Variants in ADGRV1 observed in about 807,000 individuals in gnomAD.
The protein encoded by ADGRV1 is adhesion G protein-coupled receptor V1, also known as G-protein coupled receptor 98.
In ADGRV1, 359 loss-of-function variants were observed where a neutral mutation model predicts 596.2. The observed-to-expected ratio is 0.60, with a 90% confidence interval of 0.55 to 0.66. The LOEUF is 0.66. Among genes scored for constraint, ADGRV1 ranks in the 30% least tolerant of loss-of-function variants. The probability of loss-of-function intolerance (pLI) is 0.00; values close to 1 mark genes in which losing one functional copy is unlikely to be tolerated. For missense variants in ADGRV1, 7,274 were observed against 7,575.6 expected, an observed-to-expected ratio of 0.96 and a Z score of 1.48; for synonymous variants, 2,681 against 2,679.2, an observed-to-expected ratio of 1.00 and a Z score of -0.02.
chr5:91,091,202 T>A (rs1790355633), intron 86 of ADGRV1, among the ~76,000 whole-genome samples: 1 of 152,148 alleles, frequency 6.6e-6, no homozygotes, highest in Non-Finnish European at 1.5e-5. Context: ...CCCATTGAAG[T>A]GTCTCTATGG....
intron 39 of ADGRV1, among the ~76,000 whole-genome samples, chr5:90,709,319 A>G (rs961518332): frequency 2.0e-5 from 3 of 152,060 alleles, no homozygotes; most frequent in Non-Finnish European, 4.4e-5. Context: ...TGCTTCTTTC[A>G]TGACCTTTTA....
At chr5:90,975,590 A>G (rs1779491921) in intron 84 of ADGRV1, among the ~76,000 whole-genome samples, 1 of 152,196 alleles carries the variant, frequency 6.6e-6, no homozygotes, top group Non-Finnish European at 1.5e-5. Context: ...ATTCTCAGCA[A>G]ACTGTCACAA....
At chr5:90,885,527 A>G (rs1430792821) in intron 83 of ADGRV1, among the ~76,000 whole-genome samples, 1 of 152,188 alleles carries the variant, frequency 6.6e-6, no homozygotes, top group Non-Finnish European at 1.5e-5. Flanking sequence ...TCTGTGGGAA[A>G]TAACAAACCC....
intron 85 of ADGRV1, among the ~76,000 whole-genome samples, chr5:91,024,657 T>TA (rs1024797123): frequency 6.6e-6 from 1 of 152,166 alleles, no homozygotes; most frequent in South Asian, 2.1e-4. Flanking sequence ...TTTTTGTTAT[T>TA]AAAAAAAAGT....
chr5:90,801,532 G>GTT (rs569063879), intron 70 of ADGRV1, among the ~76,000 whole-genome samples: 1 of 143,176 alleles, frequency 7.0e-6, no homozygotes, highest in Non-Finnish European at 1.5e-5. Context: ...TGATTTATTT[G>GTT]TTTTTTTTTT....
intron 59 of ADGRV1, among the ~76,000 whole-genome samples, chr5:90,769,530 T>A (rs1383763956): frequency 6.6e-6 from 1 of 152,202 alleles, no homozygotes; most frequent in African/African-American, 2.4e-5. Context: ...ATGCATATCA[T>A]TTTTATCTCT....
At chr5:90,804,823 A>G (rs551439370) in intron 71 of ADGRV1, 1 of 152,392 alleles carries the variant, frequency 6.6e-6, no homozygotes, top group African/African-American at 2.4e-5. Flanking sequence ...GTCTTCAAAA[A>G]AAGATATAAA....
chr5:90,978,537 A>G (rs1581695296), intron 84 of ADGRV1, among the ~76,000 whole-genome samples: 1 of 152,068 alleles, frequency 6.6e-6, no homozygotes, highest in East Asian at 1.9e-4. Context: ...ATTGTGCTCA[A>G]CAAAAATTTA....
chr5:90,642,806 T>C (rs771910834), intron 12 of ADGRV1, 44 bp downstream of exon 12: 23 of 1,604,122 alleles, frequency 1.4e-5, no homozygotes, highest in South Asian at 1.2e-4. Context: ...CTCACAACTT[T>C]AGAAGAATGA....
chr5:90,788,667 A>G (rs1759738377), intron 68 of ADGRV1, among the ~76,000 whole-genome samples: 1 of 151,968 alleles, frequency 6.6e-6, no homozygotes, highest in Non-Finnish European at 1.5e-5. Flanking sequence ...TTAACTAGTT[A>G]TATTCCAGAT....
intron 85 of ADGRV1, among the ~76,000 whole-genome samples, chr5:91,059,546 G>A (rs539331600): frequency 2.0e-5 from 3 of 152,242 alleles, no homozygotes; most frequent in South Asian, 2.1e-4. Flanking sequence ...CTCATTAGAC[G>A]TGTCTAGTTT....
rs576554467 is a variant in ADGRV1, at chr5:91,150,965, G to T, written c.18624+744G>T. On this transcript the variant is annotated intron_variant, in intron 88 of 89. Coordinates refer to ENST00000405460, the MANE Select transcript of ADGRV1 (RefSeq NM_032119.4). ...TGGCCAGGAGGAGATAGTAACAAAGGCCTCTAAAAATTTCTGCAGTGTCCA... is the reference window on the plus strand; with the variant it reads ...TGGCCAGGAGGAGATAGTAACAAAGTCCTCTAAAAATTTCTGCAGTGTCCA... Among the ~76,000 whole-genome samples the T allele has an allele frequency of 3.3e-5, 5 of 152,264 alleles. No homozygotes were observed. In the South Asian group the frequency reaches 8.3e-4, roughly 25 times the overall value.
intron 87 of ADGRV1, among the ~76,000 whole-genome samples, chr5:91,111,205 A>G (rs4512153): frequency 0.51 from 76,873 of 151,904 alleles, 22,372 homozygotes; most frequent in Non-Finnish European, 0.64. Flanking sequence ...ATTTAAAATA[A>G]CAAACAGTTC....
intron 8 of ADGRV1, 66 bp downstream of exon 8, chr5:90,628,898 G>A (rs952217122): frequency 1.7e-5 from 24 of 1,434,454 alleles, no homozygotes; most frequent in Middle Eastern, 1.9e-4. Context: ...AAAGAATTTG[G>A]TCATACACAT....
rs1315826249 is a variant in ADGRV1 at position 90,788,155 on chromosome 5, T to C, written c.13738T>C (p.Phe4580Leu). 2 of 1,613,840 alleles carry C rather than the reference T, an allele frequency of 1.2e-6. No homozygotes were observed. Among genetic ancestry groups the C allele is most frequent in the South Asian group, 2.2e-5 (2 of 91,076 alleles). Residue 4580 changes from phenylalanine (F) to leucine (L), a missense_variant, in exon 68 of 90, where the codon TTC becomes CTC. Physicochemically the swap from Phe to Leu is conservative, Grantham distance 22 (BLOSUM62 0). Around this residue, in one of 5 missense-constraint regions of ADGRV1, gnomAD observed 3,643 missense variants for 3,809.2 expected, o/e 0.96. Coordinates refer to ENST00000405460, the MANE Select transcript of ADGRV1 (RefSeq NM_032119.4). ...CATTGCAGACCCAGTGAGCGGGTTG[T>C]TCTATTTTGGAGAAGGAGAAGGAGG... ...RDIADPVSGL[F>L]YFGEGEGGVR...
At chr5:91,113,591 T>C (rs1792574805) in intron 87 of ADGRV1, among the ~76,000 whole-genome samples, 1 of 152,202 alleles carries the variant, frequency 6.6e-6, no homozygotes, top group African/African-American at 2.4e-5. Flanking sequence ...ATTCTGTATA[T>C]ATTCCTAATA....
chr5:91,126,501 A>G (rs1235267828), intron 87 of ADGRV1, among the ~76,000 whole-genome samples: 1 of 152,238 alleles, frequency 6.6e-6, no homozygotes, highest in African/African-American at 2.4e-5. Context: ...TAATAGACTT[A>G]GTGAAGAGGG....
intron 89 of ADGRV1, among the ~76,000 whole-genome samples, chr5:91,159,910 T>C (rs527316783): frequency 6.6e-6 from 1 of 152,306 alleles, no homozygotes; most frequent in African/African-American, 2.4e-5. Flanking sequence ...CCTTGAGTAC[T>C]GGCATTTCTG....
At chr5:91,018,119 C>T (rs770026321) in intron 85 of ADGRV1, among the ~76,000 whole-genome samples, 20 of 151,788 alleles carry the variant, frequency 1.3e-4, no homozygotes, top group Admixed American at 3.3e-4. Flanking sequence ...TAATAAAGAA[C>T]CTGGTTCTGA....
Sources: allele counts gnomAD v4.1 joint callset (sites outside exome capture counted in the v4.1 genomes callset), GRCh38; gene constraint gnomAD v4.1.1; regional missense constraint gnomAD v4.1.1; transcripts MANE v1.5; gene names NCBI Gene and HGNC (gene_info 2026-07-23, HGNC 2026-07-21).